The following PAN3 variants were observed in gnomAD, a reference collection of about 807,000 sequenced individuals.
PAN3 encodes poly(A) specific ribonuclease subunit PAN3.
Under a neutral mutation model 96.2 loss-of-function variants are expected in PAN3, and 19 were observed. The observed-to-expected ratio is 0.20, with a 90% CI of 0.14 to 0.29. The LOEUF is 0.29. Ranked by LOEUF, PAN3 falls within the 10% of genes least tolerant of loss-of-function variation. The pLI is 1.00. For missense variants in PAN3, 882 were observed against 1,108.1 expected, an observed-to-expected ratio of 0.80 and a Z score of 2.90; for synonymous variants, 433 against 406.6, an observed-to-expected ratio of 1.06 and a Z score of -0.78.
chr13:28,193,853 AC>A (rs975837890), intron 4 of PAN3, among the ~76,000 whole-genome samples: 7 of 151,426 alleles, frequency 4.6e-5, no homozygotes, highest in Non-Finnish European at 8.8e-5. Context: ...GACTGTAATA[AC>A]TGTGTCAAAA....
chr13:28,197,218 A>T lies in PAN3; in HGVS notation c.724A>T (p.Arg242Trp). The T allele has an allele frequency of 6.2e-7, 1 of 1,612,602 alleles. No individual in the cohort carries two copies. Among genetic ancestry groups the T allele is most frequent in the Non-Finnish European group, 8.5e-7 (1 of 1,179,266 alleles). Residue 242 changes from arginine to tryptophan, a missense_variant, in exon 5 of 19, where the codon AGG becomes TGG. Arg to Trp is a moderately radical substitution (Grantham distance 101, BLOSUM62 -3). Coordinates refer to ENST00000380958, the MANE Select transcript of PAN3 (RefSeq NM_175854.8). ...RKYRLGMLEERLVPMGSKARK... is the reference protein window; with the variant it reads ...RKYRLGMLEEWLVPMGSKARK... ...GTATCGCCTGGGGATGCTGGAGGAGAGGCTAGTTCCGATGGGATCAAAGGC... is the reference window on the plus strand; with the variant it reads ...GTATCGCCTGGGGATGCTGGAGGAGTGGCTAGTTCCGATGGGATCAAAGGC...
At chr13:28,172,678 T>C (rs1874458126) in intron 1 of PAN3, among the ~76,000 whole-genome samples, 2 of 152,324 alleles carry the variant, frequency 1.3e-5, no homozygotes, top group East Asian at 1.9e-4. Context: ...CTTTGAATTA[T>C]TTCATAGTAG....
At chr13:28,286,210 A>G (rs924202032) in intron 17 of PAN3, among the ~76,000 whole-genome samples, 6 of 152,236 alleles carry the variant, frequency 3.9e-5, no homozygotes, top group African/African-American at 7.2e-5. Context: ...TCCAACCTCT[A>G]CTGTCTGTGG....
chr13:28,153,698 A>C (rs1871703748), intron 1 of PAN3, among the ~76,000 whole-genome samples: 1 of 152,214 alleles, frequency 6.6e-6, no homozygotes, highest in South Asian at 2.1e-4. Flanking sequence ...ATCAGTAAAG[A>C]TAACTAACAT....
rs1869120294 is a variant in PAN3 at position 28,138,654 on chromosome 13, T to C, written c.-4T>C. On this transcript the variant is annotated 5_prime_UTR_variant, in exon 1 of 19. Transcript: ENST00000380958. ...GCGGCGGAAGACGAGGCTGCGGCGT[T>C]GCCATGAACAGTGGCGGCGGCCTCC... is the stretch of plus-strand genomic sequence containing the variant. The C allele has an allele frequency of 1.7e-6, 1 of 591,170 alleles. No individual in the cohort carries two copies. Among genetic ancestry groups the C allele is most frequent in the African/African-American group, 2.0e-5 (1 of 49,346 alleles). The allele number at this position is 591,170 out of a possible 1,614,324, so 36.6% of individuals were successfully genotyped here. A position where few individuals can be genotyped will look rare whatever the true frequency, so the allele number is the denominator to read the frequency against.
chr13:28,201,025 C>T (rs1209543984), intron 5 of PAN3, among the ~76,000 whole-genome samples: 1 of 151,836 alleles, frequency 6.6e-6, no homozygotes, highest in East Asian at 1.9e-4. Context: ...GTGAAACTCT[C>T]TCTGTCTCTC....
chr13:28,198,446 ACTT>A (rs1243830993), intron 5 of PAN3, among the ~76,000 whole-genome samples: 1 of 152,196 alleles, frequency 6.6e-6, no homozygotes, highest in Non-Finnish European at 1.5e-5. Context: ...TCTAAAACTA[ACTT>A]CAATAGTATG....
At chr13:28,248,969 G>A (rs1884461492) in intron 6 of PAN3, among the ~76,000 whole-genome samples, 1 of 152,010 alleles carries the variant, frequency 6.6e-6, no homozygotes, top group Admixed American at 6.6e-5. Context: ...ACTGACCATT[G>A]CATGTTAGAC....
In PAN3 at chr13:28,138,755, T is replaced by C; in HGVS notation, c.98T>C (p.Val33Ala). The C allele has an allele frequency of 3.2e-6, 4 of 1,257,676 alleles. No individual in the cohort carries two copies. The highest frequency in any genetic ancestry group is 4.0e-6 in the Non-Finnish European group (4 of 999,000). The allele number at this position is 1,257,676 out of a possible 1,614,324, so 77.9% of individuals were successfully genotyped here. A position where few individuals can be genotyped will look rare whatever the true frequency, so the allele number is the denominator to read the frequency against. The change falls in exon 1 of 19, where the codon GTC becomes GCC. Residue 33 changes from valine (V) to alanine (A), a missense_variant. Physicochemically the swap from Val to Ala is moderately conservative, Grantham distance 64. Around this residue, in one of 3 missense-constraint regions of PAN3, gnomAD observed 442 missense variants for 422.8 expected, o/e 1.05. Transcript: ENST00000380958. ...GTGGCGGTGGTGGCCCCGCCGGGGG[T>C]CGGGGGTGTCCCCGGCGGGGCGGCG... ...AAVAVVAPPG[V>A]GGVPGGAAVG... is the part of the protein sequence containing the mutation.
At chr13:28,274,499 A>C (rs1886898903) in intron 14 of PAN3, among the ~76,000 whole-genome samples, 1 of 151,860 alleles carries the variant, frequency 6.6e-6, no homozygotes, top group African/African-American at 2.4e-5. Flanking sequence ...CTGCATTAAA[A>C]AAAAAAAAAA....
chr13:28,173,708 A>T (rs1051243707), intron 1 of PAN3, among the ~76,000 whole-genome samples: 1 of 152,180 alleles, frequency 6.6e-6, no homozygotes, highest in African/African-American at 2.4e-5. Context: ...CATCTAAGAC[A>T]CAGTGTCCCG....
chr13:28,257,389 AAGT>A (rs1475199365), intron 7 of PAN3, among the ~76,000 whole-genome samples: 3 of 151,902 alleles, frequency 2.0e-5, no homozygotes, highest in African/African-American at 7.3e-5. Flanking sequence ...CTAGAAAAAT[AAGT>A]AGTAGATGAA....
At chr13:28,227,185 G>A (rs1349264815) in intron 6 of PAN3, among the ~76,000 whole-genome samples, 1 of 152,164 alleles carries the variant, frequency 6.6e-6, no homozygotes, top group Non-Finnish European at 1.5e-5. Flanking sequence ...AGGAAACTGA[G>A]GCGAGACGTT....
chr13:28,249,160 G>GT (rs1365718274), intron 6 of PAN3, among the ~76,000 whole-genome samples: 1 of 152,020 alleles, frequency 6.6e-6, no homozygotes, highest in African/African-American at 2.4e-5. Context: ...TTGTTTGTTT[G>GT]TTATTTATTT....
intron 18 of PAN3, 85 bp downstream of exon 18, chr13:28,288,207 A>G: frequency 8.0e-7 from 1 of 1,242,860 alleles, no homozygotes; most frequent in Non-Finnish European, 1.1e-6. Flanking sequence ...TAGGAAACTT[A>G]AGAAATCAGG....
At chr13:28,152,981 C>A (rs1159768623) in intron 1 of PAN3, among the ~76,000 whole-genome samples, 3 of 152,074 alleles carry the variant, frequency 2.0e-5, no homozygotes, top group Non-Finnish European at 4.4e-5. Flanking sequence ...TTTAAGATGT[C>A]CACATCCTTT....
chr13:28,171,747 A>G (rs1874332809), intron 1 of PAN3, among the ~76,000 whole-genome samples: 1 of 152,172 alleles, frequency 6.6e-6, no homozygotes, highest in East Asian at 1.9e-4. Context: ...CAGTTAAGGG[A>G]TTTTTATGGA....
At position 28,292,583 on chromosome 13, in the gene PAN3, A is replaced by G; in HGVS notation, c.*61A>G. 6.8e-7 allele frequency: 1 copy of G among 1,471,522 alleles called. No individual in the cohort carries two copies. Among genetic ancestry groups the G allele is most frequent in the Non-Finnish European group, 9.1e-7 (1 of 1,101,076 alleles). 91.2% of individuals were successfully genotyped at this position (1,471,522 alleles called of 1,614,324 possible). A position where few individuals can be genotyped will look rare whatever the true frequency, so the allele number is the denominator to read the frequency against. On this transcript the variant is annotated 3_prime_UTR_variant, in exon 19 of 19. Coordinates refer to ENST00000380958, the MANE Select transcript of PAN3 (RefSeq NM_175854.8). ...ACCTTAACCAATAGCAAATTGCACTACAGCTGAACTTTTCATCATCTCATT... is the reference window on the plus strand; with the variant it reads ...ACCTTAACCAATAGCAAATTGCACTGCAGCTGAACTTTTCATCATCTCATT...
In PAN3 at chr13:28,281,394, T is replaced by C; in HGVS notation, c.2384+15T>C. On this transcript the variant is annotated intron_variant, in intron 17 of 18. Coordinates refer to ENST00000380958, the MANE Select transcript of PAN3 (RefSeq NM_175854.8). Reference sequence around the variant, plus strand: ...GAGAGGCCGGAGTAAGGATTTACAGTATTTTACAATATATTTTTAATCGAG... The same window carrying C: ...GAGAGGCCGGAGTAAGGATTTACAGCATTTTACAATATATTTTTAATCGAG... 6.3e-7 allele frequency: 1 copy of C among 1,583,972 alleles called. No homozygotes were observed. Among genetic ancestry groups the C allele is most frequent in the Non-Finnish European group, 8.7e-7 (1 of 1,154,628 alleles).
Sources: gnomAD v4.1 joint callset for allele counts (sites outside exome capture counted in the v4.1 genomes callset) on GRCh38, gnomAD v4.1.1 for gene constraint, gnomAD v4.1.1 regional missense constraint, MANE v1.5 for transcripts, NCBI Gene and HGNC (gene_info 2026-07-23, HGNC 2026-07-21) for gene names.